Variants in MEPE observed in about 807,000 individuals in gnomAD.
MEPE encodes the protein matrix extracellular phosphoglycoprotein, also known as matrix, extracellular phosphoglycoprotein with ASARM motif (bone).
In MEPE, 7 loss-of-function variants were observed where a neutral mutation model predicts 7.3. The observed-to-expected ratio is 0.95, with a 90% CI of 0.54 to 1.79. The LOEUF is 1.79. Among genes scored for constraint, MEPE ranks in the 40% most tolerant of loss-of-function variants. MEPE has a pLI of 0.00. For missense variants in MEPE, 623 were observed against 628.2 expected, an observed-to-expected ratio of 0.99 and a Z score of 0.09; for synonymous variants, 214 against 213.1, an observed-to-expected ratio of 1.00 and a Z score of -0.04.
chr4:87,831,732 T>C (rs768111943), upstream of MEPE, among the ~76,000 whole-genome samples: 2 of 152,118 alleles, frequency 1.3e-5, no homozygotes, highest in African/African-American at 2.4e-5. Context: ...CTAATACCCT[T>C]CTGACCTCAT....
chr4:87,827,513 T>C (rs1189105952), intron 1 of MEPE, among the ~76,000 whole-genome samples: 1 of 152,212 alleles, frequency 6.6e-6, no homozygotes, highest in Non-Finnish European at 1.5e-5. Flanking sequence ...TTCTGTATCC[T>C]GAGAAGAAGA....
In MEPE at chr4:87,823,192, T is replaced by C. The variant is rs114227621; in HGVS notation, c.-13+1721T>C. 4.9e-3 allele frequency among the ~76,000 whole-genome samples: 746 copies of C among 152,328 alleles called. 5 individuals carry two copies. Among genetic ancestry groups the C allele is most frequent in the African/African-American group, 0.017 (719 of 41,574 alleles). ...CCTCGCCAGGCAGTGGTGTGCTCAATGGCTGCTCACCCACTGTGTGGGTGG... is the reference window on the plus strand; with the variant it reads ...CCTCGCCAGGCAGTGGTGTGCTCAACGGCTGCTCACCCACTGTGTGGGTGG... On this transcript the variant is annotated intron_variant, in intron 1 of 3. Coordinates refer to the MEPE transcript ENST00000424957.
At chr4:87,829,507 A>G (rs1226372454), upstream of MEPE, among the ~76,000 whole-genome samples, 1 of 152,172 alleles carries the variant, frequency 6.6e-6, no homozygotes, top group East Asian at 1.9e-4. Flanking sequence ...GCATTTGAGG[A>G]ATATCTGAAA....
At chr4:87,827,663 C>G (rs965474816) in intron 1 of MEPE, among the ~76,000 whole-genome samples, 2 of 152,122 alleles carry the variant, frequency 1.3e-5, no homozygotes, top group Non-Finnish European at 2.9e-5. Context: ...AAAGGGCTAG[C>G]ATCATTATAA....
At chr4:87,824,064 A>C (rs570256762) in intron 1 of MEPE, among the ~76,000 whole-genome samples, 60 of 152,332 alleles carry the variant, frequency 3.9e-4, no homozygotes, top group African/African-American at 1.4e-3. Context: ...CAGGAAGATA[A>C]GACCACCATT....
In MEPE at chr4:87,845,769, C is replaced by A; in HGVS notation, c.901C>A (p.Pro301Thr). ...GAGTACTCATCTTGACACAAAAAAG[C>A]CAGGTTATAATGAGATCCCAGAGAG... is the stretch of plus-strand genomic sequence containing the variant. ...AESTHLDTKK[P>T]GYNEIPEREE... The change falls in exon 4 of 4, where the codon CCA (proline) becomes ACA (threonine). Residue 301 changes from proline (P) to threonine (T), a missense_variant. Pro to Thr is a conservative substitution (Grantham distance 38). Coordinates refer to ENST00000361056, the MANE Select transcript of MEPE (RefSeq NM_020203.6). 6.2e-7 allele frequency: 1 copy of A among 1,613,824 alleles called. No individual in the cohort carries two copies. Among genetic ancestry groups the A allele is most frequent in the Non-Finnish European group, 8.5e-7 (1 of 1,179,910 alleles).
chr4:87,833,819 C>A (rs181764004), intron 1 of MEPE, among the ~76,000 whole-genome samples: 6 of 152,022 alleles, frequency 3.9e-5, no homozygotes, highest in Non-Finnish European at 7.4e-5. Context: ...TTTGTTGAGC[C>A]CAATATAAAA....
intron 3 of MEPE, among the ~76,000 whole-genome samples, chr4:87,843,457 C>A (rs1399120031): frequency 6.6e-6 from 1 of 152,122 alleles, no homozygotes; most frequent in Non-Finnish European, 1.5e-5. Flanking sequence ...TTGCTTAGAA[C>A]ATGCAGCACC....
chr4:87,829,213 A>ATTTTT (rs368539610), upstream of MEPE, among the ~76,000 whole-genome samples: 1 of 149,756 alleles, frequency 6.7e-6, no homozygotes, highest in South Asian at 2.1e-4. Context: ...ATAGGCTCTC[A>ATTTTT]TTTTTTTTTG....
At chr4:87,844,024 A>C (rs12640398) in intron 3 of MEPE, among the ~76,000 whole-genome samples, 2 of 152,066 alleles carry the variant, frequency 1.3e-5, no homozygotes, top group Non-Finnish European at 2.9e-5. Flanking sequence ...ATAGTGACTC[A>C]GCCTCTCTTA....
intron 1 of MEPE, among the ~76,000 whole-genome samples, chr4:87,824,306 A>G (rs1480631576): frequency 6.6e-6 from 1 of 152,252 alleles, no homozygotes. Context: ...GTGGTGAGAC[A>G]TACCTGATCA....
In MEPE at chr4:87,845,879, C is replaced by G; in HGVS notation, c.1011C>G (p.Gly337=). Residue 337 remains glycine (G), a synonymous_variant, in exon 4 of 4, where the codon GGC becomes GGG. Coordinates refer to ENST00000361056, the MANE Select transcript of MEPE (RefSeq NM_020203.6). ...ADAVDVSLVE[G]SNDIMGSTNF... ...CTGTTGATGTCAGCCTTGTAGAGGG[C>G]AGCAACGATATCATGGGTAGTACCA... The G allele has an allele frequency of 6.2e-7, 1 of 1,613,932 alleles. No homozygotes were observed. Among genetic ancestry groups the G allele is most frequent in the South Asian group, 1.1e-5 (1 of 91,064 alleles).
intron 2 of MEPE, among the ~76,000 whole-genome samples, chr4:87,835,815 C>G (rs994990941): frequency 1.3e-5 from 2 of 152,162 alleles, no homozygotes; most frequent in African/African-American, 2.4e-5. Flanking sequence ...TCTTGCTGAC[C>G]TAGCTCAAGT....
At chr4:87,824,621 C>T (rs1416922034) in intron 1 of MEPE, among the ~76,000 whole-genome samples, 1 of 152,242 alleles carries the variant, frequency 6.6e-6, no homozygotes, top group Non-Finnish European at 1.5e-5. Context: ...CACTGATCCC[C>T]TTTTAGATGA....
chr4:87,833,936 A>G (rs750068535), intron 1 of MEPE, among the ~76,000 whole-genome samples: 3 of 152,218 alleles, frequency 2.0e-5, no homozygotes, highest in Non-Finnish European at 4.4e-5. Context: ...AACTGGGTCT[A>G]GAGCCACATT....
intron 2 of MEPE, among the ~76,000 whole-genome samples, chr4:87,837,104 T>A (rs540263004): frequency 2.6e-5 from 4 of 152,244 alleles, no homozygotes; most frequent in African/African-American, 9.6e-5. Context: ...GGGAGCTCAG[T>A]AGAGCGACTT....
chr4:87,839,893 G>A (rs1481973703), intron 3 of MEPE: 4 of 1,540,918 alleles, frequency 2.6e-6, no homozygotes, highest in South Asian at 2.4e-5. Flanking sequence ...TCTGTCTTAT[G>A]GCTGGCACTT....
At chr4:87,839,610 A>C in intron 3 of MEPE, 3 of 1,001,970 alleles carry the variant, frequency 3.0e-6, no homozygotes, top group South Asian at 3.0e-5. Flanking sequence ...AAAGTTTCTT[A>C]TATTATTACA....
In MEPE at chr4:87,845,053, A is replaced by G. The variant is rs1394309042; in HGVS notation, c.185A>G (p.Glu62Gly). The change falls in exon 4 of 4, where the codon GAA becomes GGA. Residue 62 changes from glutamate (E) to glycine (G), a missense_variant. Physicochemically the swap from Glu to Gly is moderately conservative, Grantham distance 98. Coordinates refer to ENST00000361056, the MANE Select transcript of MEPE (RefSeq NM_020203.6). ...KRINQELSSK[E>G]NIVQERKKDL... ...ATAAATCAAGAGCTATCATCTAAAG[A>G]AAATATTGTCCAGGAAAGAAAGAAA... 1.2e-6 allele frequency: 2 copies of G among 1,612,638 alleles called. No homozygotes were observed. The highest frequency in any genetic ancestry group is 1.7e-6 in the Non-Finnish European group (2 of 1,179,514).
Sources: allele counts gnomAD v4.1 joint callset (sites outside exome capture counted in the v4.1 genomes callset), GRCh38; gene constraint gnomAD v4.1.1; transcripts MANE v1.5; gene names NCBI Gene and HGNC (gene_info 2026-07-23, HGNC 2026-07-21).